TRPM2: variants seen among roughly 807,000 people sequenced by gnomAD.
TRPM2 encodes transient receptor potential cation channel subfamily M member 2.
In TRPM2, 161 loss-of-function variants were observed where a neutral mutation model predicts 174.0. The ratio of observed to expected loss-of-function variants is 0.93; its 90% confidence interval spans 0.81 to 1.05. TRPM2 has a LOEUF of 1.05. Ranked by LOEUF, TRPM2 falls within the 50% of genes least tolerant of loss-of-function variation. The pLI, the probability that TRPM2 is intolerant of heterozygous loss-of-function variation, is 0.00. For synonymous variants in TRPM2, 954 were observed against 861.3 expected (o/e 1.11, Z -1.88); for missense variants, 2,057 against 2,038.0 (o/e 1.01, Z -0.18).
Position 44,366,384 on chromosome 21 carries a change from C to T in TRPM2, c.424-370C>T, listed in dbSNP as rs978517045. On this transcript the variant is annotated intron_variant, in intron 3 of 31. Coordinates refer to ENST00000397928, the MANE Select transcript of TRPM2 (RefSeq NM_003307.4). The surrounding 1 kb of genome is among the most constrained non-coding windows in gnomAD (Gnocchi z 6.0). ...CCCCGGTGCAGGAGCTGATTAGACC[C>T]GGGGGAGGCAGGGCCCAGGCGCTAC... 3.3e-5 allele frequency among the ~76,000 whole-genome samples: 5 copies of T among 150,782 alleles called. No homozygotes were observed. Among genetic ancestry groups the T allele is most frequent in the Admixed American group, 6.5e-5 (1 of 15,272 alleles).
rs1054467609 is a variant in TRPM2 at position 44,400,302 on chromosome 21, A to G, written c.2252A>G (p.Asn751Ser). ...KVWWGQLSVD[N>S]GLWRVTLCML... The stretch of plus-strand genomic sequence containing the variant: ...TGGTGGGGCCAGCTCTCCGTGGACA[A>G]TGGGCTGTGGCGTGTGACCCTGTGC... Residue 751 changes from asparagine to serine, a missense_variant, in exon 15 of 32, where the codon AAT (asparagine) becomes AGT (serine). By Grantham distance (46) the Asn-to-Ser change is conservative. Transcript: ENST00000397928. The G allele has an allele frequency of 8.6e-5, 138 of 1,612,762 alleles. No individual in the cohort carries two copies. The highest frequency in any genetic ancestry group is 1.2e-4 in the Non-Finnish European group (136 of 1,179,892).
intron 11 of TRPM2, among the ~76,000 whole-genome samples, chr21:44,394,670 C>T (rs914061122): frequency 1.3e-5 from 2 of 151,756 alleles, no homozygotes; most frequent in East Asian, 1.9e-4. Context: ...AAGTCCAGTG[C>T]GTTTATTTAA....
At chr21:44,352,387 G>C (rs948802466), upstream of TRPM2, among the ~76,000 whole-genome samples, 1 of 152,250 alleles carries the variant, frequency 6.6e-6, no homozygotes, top group African/African-American at 2.4e-5. Flanking sequence ...ACAGCAGCCC[G>C]TAGCTCAGCC....
chr21:44,382,649 C>A, intron 8 of TRPM2, 69 bp from the exon 9 acceptor site: 1 of 1,500,148 alleles, frequency 6.7e-7, no homozygotes, highest in East Asian at 2.3e-5. Context: ...GGCCTCAATT[C>A]TATGTGTCCT....
Position 44,353,762 on chromosome 21 carries a change from C to T in TRPM2, c.62C>T (p.Pro21Leu). ...SEQEEGFEGLPRRVTDLGMVS... is the reference protein window; with the variant it reads ...SEQEEGFEGLLRRVTDLGMVS... The stretch of plus-strand genomic sequence containing the variant: ...CAGGAGGAGGGCTTTGAGGGGCTGC[C>T]CAGAAGGGTCACTGACCTGGGGATG... Residue 21 changes from proline to leucine, a missense_variant, in exon 1 of 32, where the codon CCC (proline) becomes CTC (leucine). Transcript: ENST00000397928. 6.3e-7 allele frequency: 1 copy of T among 1,599,944 alleles called. No homozygotes were observed. The highest frequency in any genetic ancestry group is 1.1e-5 in the South Asian group (1 of 89,022).
chr21:44,441,738 T>C lies in TRPM2; in HGVS notation c.4433T>C (p.Val1478Ala). ...DSGASIRWQV[V>A]DRRIPLYANH... ...GGGGCCTCCATCCGATGGCAGGTGG[T>C]GGACAGGCGCATCCCACTCTATGCG... The change falls in exon 32 of 32, where the codon GTG becomes GCG. Residue 1478 changes from valine to alanine, a missense_variant. Transcript: ENST00000397928. 1.2e-6 allele frequency: 2 copies of C among 1,611,930 alleles called. No individual in the cohort carries two copies. The highest frequency in any genetic ancestry group is 1.7e-6 in the Non-Finnish European group (2 of 1,179,096).
chr21:44,383,425 G>A (rs757957525), intron 9 of TRPM2, among the ~76,000 whole-genome samples: 15 of 152,194 alleles, frequency 9.9e-5, no homozygotes, highest in African/African-American at 2.2e-4. Flanking sequence ...CTCCAGGGTC[G>A]GAGGCCCCAG....
chr21:44,441,755 C>T lies in TRPM2; in HGVS notation c.4450C>T (p.Leu1484Phe). The T allele has an allele frequency of 1.2e-6, 2 of 1,612,332 alleles. No individual in the cohort carries two copies. Among genetic ancestry groups the T allele is most frequent in the South Asian group, 1.1e-5 (1 of 90,490 alleles). Residue 1484 changes from leucine to phenylalanine, a missense_variant, in exon 32 of 32, where the codon CTC becomes TTC. By Grantham distance (22) the Leu-to-Phe change is conservative (BLOSUM62 0). Transcript: ENST00000397928. ...GCAGGTGGTGGACAGGCGCATCCCA[C>T]TCTATGCGAACCACAAGACCCTCCT... The part of the protein sequence containing the change: ...RWQVVDRRIP[L>F]YANHKTLLQK...
rs1035012910 is a variant in TRPM2 at position 44,439,958 on chromosome 21, G to A, written c.4269+790G>A. On this transcript the variant is annotated intron_variant, in intron 30 of 31. Transcript: ENST00000397928. This position sits in a 1 kb window ranked among gnomAD's most constrained non-coding sequence, Gnocchi z 5.1. ...GGCTGGTCATGAACTGGGCTCAAGC[G>A]ATCTGCCCACCTCAGCCTCCCAAAG... is the stretch of plus-strand genomic sequence containing the variant. Among the ~76,000 whole-genome samples the A allele has an allele frequency of 6.6e-6, 1 of 151,910 alleles. No homozygotes were observed. Among genetic ancestry groups the A allele is most frequent in the Non-Finnish European group, 1.5e-5 (1 of 67,970 alleles).
Position 44,366,970 on chromosome 21 carries a change from G to T in TRPM2, c.604+36G>T. 1.9e-6 allele frequency: 3 copies of T among 1,542,208 alleles called. No individual in the cohort carries two copies. Among genetic ancestry groups the T allele is most frequent in the Non-Finnish European group, 8.8e-7 (1 of 1,141,766 alleles). ...GGCTGGAGGGACACGAGGCCCCGGC[G>T]GGTGGGGTGGGCTGTGGAGGCAGTG... On this transcript the variant is annotated intron_variant, in intron 4 of 31. Transcript: ENST00000397928. This position sits in a 1 kb window ranked among gnomAD's most constrained non-coding sequence, Gnocchi z 6.0.
At chr21:44,440,019 C>T (rs1437990980) in intron 30 of TRPM2, among the ~76,000 whole-genome samples, 3 of 151,660 alleles carry the variant, frequency 2.0e-5, no homozygotes, top group African/African-American at 7.3e-5. Flanking sequence ...TGCGCCCAGC[C>T]CTTTATGGAC....
At position 44,413,932 on chromosome 21, in the gene TRPM2, G is replaced by A. The variant is rs148308750; in HGVS notation, c.3004G>A (p.Asp1002Asn). ...NPEHCSPNGT[D>N]PYKPKCPESD... ...GGAGCACTGCAGCCCCAATGGCACCGACCCCTACAAGCCTAAGTGCCCCGA... is the reference window on the plus strand; with the variant it reads ...GGAGCACTGCAGCCCCAATGGCACCAACCCCTACAAGCCTAAGTGCCCCGA... The change falls in exon 20 of 32, where the codon GAC (aspartate) becomes AAC (asparagine). Residue 1002 changes from aspartate (D) to asparagine (N), a missense_variant. By Grantham distance (23) the Asp-to-Asn change is conservative. Transcript: ENST00000397928. 3.5e-5 allele frequency: 56 copies of A among 1,613,828 alleles called. No individual in the cohort carries two copies. Among genetic ancestry groups the A allele is most frequent in the East Asian group, 4.5e-5 (2 of 44,892 alleles).
In TRPM2 at chr21:44,353,883, C is replaced by G. The variant is rs931188543; in HGVS notation, c.165+18C>G. 2.5e-6 allele frequency: 4 copies of G among 1,594,696 alleles called. No individual in the cohort carries two copies. The highest frequency in any genetic ancestry group is 2.3e-5 in the South Asian group (2 of 88,172). ...ATGACAAGGTAGGCTTTCTGCTGGT[C>G]AGCCTGCAGTTGGCACGTGGCCACG... is the stretch of plus-strand genomic sequence containing the variant. On this transcript the variant is annotated intron_variant, in intron 1 of 31. Coordinates refer to ENST00000397928, the MANE Select transcript of TRPM2 (RefSeq NM_003307.4).
At chr21:44,368,478 T>G (rs1157632819) in intron 4 of TRPM2, among the ~76,000 whole-genome samples, 2 of 150,384 alleles carry the variant, frequency 1.3e-5, no homozygotes, top group African/African-American at 2.5e-5. Flanking sequence ...CAGGCTGGAG[T>G]GCAGTGGTGG....
chr21:44,439,081 A>G lies in TRPM2; in HGVS notation c.4182A>G (p.Pro1394=), dbSNP rs756138028. The change falls in exon 30 of 32, where the codon CCA becomes CCG. Residue 1394 remains proline, a synonymous_variant. Transcript: ENST00000397928. The surrounding 1 kb of genome is among the most constrained non-coding windows in gnomAD (Gnocchi z 5.1). ...HWALPGGSRE[P]GEMLPRKLKR... ...TGTCTGTCCAGGGCTCCCGGGAGCC[A>G]GGGGAGATGCTACCTCGGAAGCTGA... The G allele has an allele frequency of 2.5e-5, 40 of 1,613,032 alleles. No homozygotes were observed. The highest frequency in any genetic ancestry group is 3.2e-5 in the Non-Finnish European group (38 of 1,179,726).
intron 8 of TRPM2, among the ~76,000 whole-genome samples, chr21:44,381,088 C>T (rs925205895): frequency 6.6e-6 from 1 of 151,932 alleles, no homozygotes; most frequent in Admixed American, 6.6e-5. Flanking sequence ...AAAGCTGGAC[C>T]CCGAGGGATG....
At chr21:44,370,252 C>T (rs1387543835) in intron 5 of TRPM2, among the ~76,000 whole-genome samples, 1 of 152,094 alleles carries the variant, frequency 6.6e-6, no homozygotes, top group African/African-American at 2.4e-5. Context: ...GACCCCGAAC[C>T]GGAGCTTTTA....
At chr21:44,397,525 C>A (rs1307173925) in intron 12 of TRPM2, among the ~76,000 whole-genome samples, 2 of 152,160 alleles carry the variant, frequency 1.3e-5, no homozygotes, top group Non-Finnish European at 2.9e-5. Context: ...GGCAAGCAGA[C>A]CCCTCCCACA....
intron 12 of TRPM2, among the ~76,000 whole-genome samples, chr21:44,396,007 G>A (rs2049364554): frequency 2.1e-5 from 1 of 46,952 alleles, no homozygotes; most frequent in Non-Finnish European, 4.0e-5. Context: ...GTGGAGGGAT[G>A]TGGAGGCTCT....
Sources: allele counts gnomAD v4.1 joint callset (sites outside exome capture counted in the v4.1 genomes callset), GRCh38; gene constraint gnomAD v4.1.1; non-coding constraint Gnocchi (gnomAD v3.1); transcripts MANE v1.5; gene names NCBI Gene and HGNC (gene_info 2026-07-23, HGNC 2026-07-21).